DZIP1: variants seen among roughly 807,000 people sequenced by gnomAD.
DZIP1 encodes DAZ interacting zinc finger protein 1.
Under a neutral mutation model 107.6 loss-of-function variants are expected in DZIP1, and 97 were observed. The ratio of observed to expected loss-of-function variants is 0.90; its 90% CI spans 0.77 to 1.07. The LOEUF (loss-of-function observed/expected upper bound fraction) is 1.07, where lower values mean the gene tolerates loss of function less well. Among genes scored for constraint, DZIP1 ranks in the 50% least tolerant of loss-of-function variants. The pLI, the probability that DZIP1 is intolerant of heterozygous loss-of-function variation, is 0.00. For missense variants in DZIP1, 1,035 were observed against 1,063.6 expected (o/e 0.97, Z 0.37); for synonymous variants, 390 against 386.4 (o/e 1.01, Z -0.11).
At position 95,598,007 on chromosome 13, in the gene DZIP1, G is replaced by T. The variant is rs1046003306; in HGVS notation, c.1537+1358C>A. On this transcript the variant is annotated intron_variant, in intron 15 of 22. Coordinates refer to ENST00000376829, the MANE Select transcript of DZIP1 (RefSeq NM_198968.4). ...GAATGACCCCTCCAGCAATTTATTT[G>T]TTTAGCAATGGAACAAGGCTGAGGA... Among the ~76,000 whole-genome samples, 5 of 152,066 alleles carry T rather than the reference G, an allele frequency of 3.3e-5. 1 individual carries two copies. Among genetic ancestry groups the T allele is most frequent in the African/African-American group, 1.2e-4 (5 of 41,402 alleles).
At chr13:95,629,397 C>A (rs1344224236) in intron 7 of DZIP1, among the ~76,000 whole-genome samples, 1 of 152,140 alleles carries the variant, frequency 6.6e-6, no homozygotes, top group East Asian at 1.9e-4. Context: ...AATGGGCTGA[C>A]ACAAGGGTCA....
intron 22 of DZIP1, chr13:95,584,469 C>T (rs2044098071): frequency 1.1e-5 from 6 of 537,240 alleles, no homozygotes; most frequent in Non-Finnish European, 1.4e-5. Context: ...GACAATAACA[C>T]CGTTTCAAAA....
At chr13:95,608,052 C>T (rs1456691971) in intron 13 of DZIP1, among the ~76,000 whole-genome samples, 2 of 152,182 alleles carry the variant, frequency 1.3e-5, no homozygotes, top group Non-Finnish European at 1.5e-5. Context: ...AACTTCCCTG[C>T]CATCATTAGA....
intron 14 of DZIP1, among the ~76,000 whole-genome samples, chr13:95,601,522 G>T (rs1490868456): frequency 6.6e-6 from 1 of 152,150 alleles, no homozygotes; most frequent in African/African-American, 2.4e-5. Flanking sequence ...AGCTGACTTT[G>T]GCTGGACTTC....
chr13:95,609,394 T>C (rs1434578964), intron 13 of DZIP1, 63 bp downstream of exon 13: 2 of 1,103,238 alleles, frequency 1.8e-6, no homozygotes, highest in East Asian at 2.8e-5. Context: ...TAAGTAAAAG[T>C]TATGTTTTGG....
At position 95,641,884 on chromosome 13, in the gene DZIP1, G is replaced by A; in HGVS notation, c.37-29C>T. 6.9e-7 allele frequency: 1 copy of A among 1,442,202 alleles called. No homozygotes were observed. Among genetic ancestry groups the A allele is most frequent in the East Asian group, 2.8e-5 (1 of 36,152 alleles). The allele number at this position is 1,442,202 out of a possible 1,614,324, so 89.3% of individuals were successfully genotyped here. A position where few individuals can be genotyped will look rare whatever the true frequency, so the allele number is the denominator to read the frequency against. ...CGGGGGGCACAAAGAGAGCGCGGCG[G>A]GAGGCGGGGATGGGGGGCGGGCAGG... is the stretch of plus-strand genomic sequence containing the variant. On this transcript the variant is annotated intron_variant, in intron 4 of 22. Coordinates refer to ENST00000376829, the MANE Select transcript of DZIP1 (RefSeq NM_198968.4). The surrounding 1 kb of genome is among the most constrained non-coding windows in gnomAD (Gnocchi z 4.3).
chr13:95,618,035 G>A, intron 10 of DZIP1: 2 of 518,990 alleles, frequency 3.9e-6, no homozygotes, highest in Non-Finnish European at 7.7e-6. Context: ...CCATGGAGAT[G>A]TCGAGTACTG....
At chr13:95,591,013 A>G (rs1444300700) in intron 16 of DZIP1, among the ~76,000 whole-genome samples, 1 of 149,004 alleles carries the variant, frequency 6.7e-6, no homozygotes, top group Non-Finnish European at 1.5e-5. Flanking sequence ...AGAGCATCAG[A>G]GGTGACTTCT....
intron 15 of DZIP1, 152 bp from the exon 16 acceptor site, chr13:95,594,238 T>C (rs2138873020): frequency 1.6e-5 from 10 of 617,292 alleles, no homozygotes; most frequent in Non-Finnish European, 2.5e-5. Flanking sequence ...CTCAGCACAA[T>C]ACAGAATGCT....
At chr13:95,631,527 A>G (rs1201293839) in intron 6 of DZIP1, among the ~76,000 whole-genome samples, 2 of 152,124 alleles carry the variant, frequency 1.3e-5, no homozygotes, top group Admixed American at 1.3e-4. Context: ...GGCAATCTGC[A>G]GGAAGCTTTG....
At chr13:95,586,322 A>G (rs1278201760) in intron 20 of DZIP1, among the ~76,000 whole-genome samples, 186 bp from the exon 21 acceptor site, 4 of 152,344 alleles carry the variant, frequency 2.6e-5, no homozygotes, top group Middle Eastern at 3.4e-3. Context: ...TAAAAAAATC[A>G]TAATCCTTCA....
chr13:95,641,223 C>T lies in DZIP1; in HGVS notation c.597+72G>A, dbSNP rs567786993. 1.3e-6 allele frequency: 2 copies of T among 1,498,926 alleles called. No individual in the cohort carries two copies. The highest frequency in any genetic ancestry group is 1.4e-5 in the South Asian group (1 of 73,272). The allele number at this position is 1,498,926 out of a possible 1,614,324, so 92.9% of individuals were successfully genotyped here. On this transcript the variant is annotated intron_variant, in intron 5 of 22. Coordinates refer to ENST00000376829, the MANE Select transcript of DZIP1 (RefSeq NM_198968.4). The surrounding 1 kb of genome is among the most constrained non-coding windows in gnomAD (Gnocchi z 4.3). ...TCTTTAAGAAGAAAGAGTGGTGATA[C>T]GGGACAGGCCTATCAAATGGGAACT...
At chr13:95,639,020 A>G (rs1878170003) in intron 5 of DZIP1, among the ~76,000 whole-genome samples, 1 of 152,230 alleles carries the variant, frequency 6.6e-6, no homozygotes, top group Non-Finnish European at 1.5e-5. Context: ...TCATGCCACA[A>G]AACGTTTTTC....
At chr13:95,624,525 A>T (rs1477987237) in intron 8 of DZIP1, among the ~76,000 whole-genome samples, 3 of 152,200 alleles carry the variant, frequency 2.0e-5, no homozygotes, top group African/African-American at 7.2e-5. Flanking sequence ...CCATCATAGA[A>T]GAGGGTCTTC....
At chr13:95,635,198 CTT>C (rs141715380) in intron 5 of DZIP1, among the ~76,000 whole-genome samples, 98,084 of 133,240 alleles carry the variant, frequency 0.74, 37,354 homozygotes, top group Non-Finnish European at 0.85. Flanking sequence ...TGCATATTTC[CTT>C]TTTTTTTTTT....
At chr13:95,640,025 ACT>A (rs1878309549) in intron 5 of DZIP1, among the ~76,000 whole-genome samples, 1 of 146,184 alleles carries the variant, frequency 6.8e-6, no homozygotes, top group Admixed American at 6.9e-5. Flanking sequence ...ATAGATTCTC[ACT>A]CTGTTGCCAG....
chr13:95,604,223 GA>G (rs1462419577), intron 14 of DZIP1, among the ~76,000 whole-genome samples: 3 of 152,242 alleles, frequency 2.0e-5, no homozygotes, highest in Non-Finnish European at 4.4e-5. Context: ...ACAATGGTAA[GA>G]AATTGTGAGA....
chr13:95,612,235 C>G (rs962292285), intron 10 of DZIP1, 58 bp from the exon 11 acceptor site: 1 of 1,570,304 alleles, frequency 6.4e-7, no homozygotes, highest in African/African-American at 1.4e-5. Context: ...TGTCTTCATT[C>G]TCCAGATTTC....
Position 95,622,466 on chromosome 13 carries a change from G to A in DZIP1, c.987C>T (p.Ile329=), listed in dbSNP as rs1566410986. ...ACTTGATCTGCATATTGGACTTCTG[G>A]ATTTCTGACAGTTGCTATAAGATAA... ...NSALEYQLSE[I]QKSNMQIKSN... is the part of the protein sequence containing the mutation. Residue 329 remains isoleucine (I), a synonymous_variant, in exon 9 of 23, where the codon ATC becomes ATT. Transcript: ENST00000376829. 2 of 1,614,016 alleles carry A rather than the reference G, an allele frequency of 1.2e-6. No homozygotes were observed. Among genetic ancestry groups the A allele is most frequent in the African/African-American group, 2.7e-5 (2 of 74,908 alleles).
Sources: gnomAD v4.1 joint callset for allele counts (sites outside exome capture counted in the v4.1 genomes callset) on GRCh38, gnomAD v4.1.1 for gene constraint, Gnocchi (gnomAD v3.1) non-coding constraint, MANE v1.5 for transcripts, NCBI Gene and HGNC (gene_info 2026-07-23, HGNC 2026-07-21) for gene names.